ARID1B: variants seen among roughly 807,000 people sequenced by gnomAD.
ARID1B encodes the protein AT-rich interactive domain-containing protein 1B.
A neutral mutation model predicts 212.3 loss-of-function variants in ARID1B; 30 were observed. That is an observed-to-expected ratio of 0.14 (90% CI 0.11 to 0.19). ARID1B has a LOEUF of 0.19. Ranked by LOEUF, ARID1B falls within the 10% of genes least tolerant of loss-of-function variation. The probability of loss-of-function intolerance (pLI) is 1.00; values close to 1 mark genes in which losing one functional copy is unlikely to be tolerated. For missense variants in ARID1B, 2,891 were observed against 3,204.0 expected, an observed-to-expected ratio of 0.90 and a Z score of 2.36; for synonymous variants, 1,402 against 1,301.7, an observed-to-expected ratio of 1.08 and a Z score of -1.66.
intron 4 of ARID1B, among the ~76,000 whole-genome samples, chr6:157,082,950 G>A (rs1204537453): frequency 1.3e-5 from 2 of 152,168 alleles, no homozygotes; most frequent in African/African-American, 4.8e-5. Context: ...GATTTTTAAA[G>A]AGAAGTTAAT....
chr6:157,137,853 A>G (rs1257543187), intron 7 of ARID1B, among the ~76,000 whole-genome samples: 1 of 152,162 alleles, frequency 6.6e-6, no homozygotes, highest in East Asian at 1.9e-4. Context: ...GTAGGTGTAA[A>G]TTATTTCTAA....
At chr6:156,983,110 A>G (rs1240494605) in intron 4 of ARID1B, among the ~76,000 whole-genome samples, 1 of 151,902 alleles carries the variant, frequency 6.6e-6, no homozygotes, top group African/African-American at 2.4e-5. Flanking sequence ...AAAAAAAAGA[A>G]AAAAAAGAAA....
chr6:156,901,135 A>T lies in ARID1B; in HGVS notation c.1987-241A>T, dbSNP rs73007008. Among the ~76,000 whole-genome samples, 7,886 of 152,274 alleles carry T rather than the reference A, an allele frequency of 0.052. 244 individuals carry two copies. Among genetic ancestry groups the T allele is most frequent in the Middle Eastern group, 0.12 (34 of 294 alleles). The stretch of plus-strand genomic sequence containing the variant: ...CCTCTCCACCTTTATGATATTATCA[A>T]TAGTTTCTATCTGATAGAATATGAT... On this transcript the variant is annotated intron_variant, in intron 2 of 19. Coordinates refer to ENST00000636930, the MANE Select transcript of ARID1B (RefSeq NM_001374828.1).
chr6:157,127,775 C>T (rs71563704), intron 6 of ARID1B, among the ~76,000 whole-genome samples: 1 of 116,612 alleles, frequency 8.6e-6, no homozygotes, highest in African/African-American at 3.9e-5. Flanking sequence ...CAGAGTGAGA[C>T]TCTGTCTCAA....
chr6:157,084,884 A>G lies in ARID1B; in HGVS notation c.2470A>G (p.Ile824Val), dbSNP rs974267163. The G allele has an allele frequency of 3.7e-6, 6 of 1,613,634 alleles. No homozygotes were observed. Among genetic ancestry groups the G allele is most frequent in the Non-Finnish European group, 4.2e-6 (5 of 1,179,764 alleles). ...AAGCAACCAGTCTCGATCTGGCCCA[A>G]TCTCTCCTGCAAGTATCCCAGGTAT... ...VGSNQSRSGP[I>V]SPASIPGSQM... Residue 824 changes from isoleucine to valine, a missense_variant, in exon 5 of 20, where the codon ATC becomes GTC. Transcript: ENST00000636930.
intron 1 of ARID1B, among the ~76,000 whole-genome samples, chr6:156,817,645 C>A (rs114557019): frequency 3.0e-5 from 4 of 134,770 alleles, no homozygotes; most frequent in South Asian, 4.6e-4. Flanking sequence ...AAAAAAAAAC[C>A]ACACACACAA....
At chr6:157,062,185 TTTC>T (rs1193796939) in intron 4 of ARID1B, among the ~76,000 whole-genome samples, 1 of 151,930 alleles carries the variant, frequency 6.6e-6, no homozygotes, top group Non-Finnish European at 1.5e-5. Flanking sequence ...CCTGTTTCTG[TTTC>T]TCCTTTTGTT....
At chr6:157,014,375 C>T (rs545647116) in intron 4 of ARID1B, among the ~76,000 whole-genome samples, 28 of 152,144 alleles carry the variant, frequency 1.8e-4, no homozygotes, top group African/African-American at 6.3e-4. Flanking sequence ...TAATGAAATC[C>T]GCTTCCTTAG....
At chr6:156,945,803 C>G (rs954259948) in intron 4 of ARID1B, among the ~76,000 whole-genome samples, 2 of 152,110 alleles carry the variant, frequency 1.3e-5, no homozygotes, top group African/African-American at 4.8e-5. Context: ...AGCCTAGGAG[C>G]TTGAGACCGG....
chr6:156,778,675 G>T lies in ARID1B; in HGVS notation c.995G>T (p.Gly332Val). The T allele has an allele frequency of 6.7e-7, 1 of 1,503,334 alleles. No homozygotes were observed. 93.1% of individuals were successfully genotyped at this position (1,503,334 alleles called of 1,614,324 possible). A position where few individuals can be genotyped will look rare whatever the true frequency, so the allele number is the denominator to read the frequency against. The change falls in exon 1 of 20, where the codon GGG (glycine) becomes GTG (valine). Residue 332 changes from glycine (G) to valine (V), a missense_variant. Transcript: ENST00000636930. ...PASGGPGGRA[G>V]PCFDQHGGQQ... ...AGCGGCGGCCCCGGCGGCCGCGCTG[G>T]GCCTTGCTTTGATCAACATGGCGGA...
intron 11 of ARID1B, among the ~76,000 whole-genome samples, chr6:157,180,236 A>G (rs1792406278): frequency 6.6e-6 from 1 of 152,160 alleles, no homozygotes; most frequent in Non-Finnish European, 1.5e-5. Flanking sequence ...GTGTCAGGTA[A>G]AAGCAGGTAC....
intron 8 of ARID1B, among the ~76,000 whole-genome samples, chr6:157,158,531 C>A (rs1303724160): frequency 6.6e-6 from 1 of 152,182 alleles, no homozygotes; most frequent in Non-Finnish European, 1.5e-5. Flanking sequence ...TGTGCTTCCC[C>A]CTCGCACTGC....
At chr6:157,199,195 A>G (rs1455056107) in intron 17 of ARID1B, among the ~76,000 whole-genome samples, 2 of 152,244 alleles carry the variant, frequency 1.3e-5, no homozygotes, top group Non-Finnish European at 2.9e-5. Flanking sequence ...GAATTAGTAT[A>G]TTTTAAACAT....
intron 2 of ARID1B, among the ~76,000 whole-genome samples, chr6:156,860,264 A>G (rs748134615): frequency 2.6e-5 from 4 of 152,072 alleles, no homozygotes; most frequent in Non-Finnish European, 4.4e-5. Flanking sequence ...ATTTTATTTG[A>G]TGTTCAGAAT....
At chr6:156,862,000 C>G (rs528012945) in intron 2 of ARID1B, among the ~76,000 whole-genome samples, 1 of 152,246 alleles carries the variant, frequency 6.6e-6, no homozygotes, top group South Asian at 2.1e-4. Context: ...CGTGGGCATC[C>G]AAGTAGGTGT....
At chr6:157,096,269 G>T (rs1177748211) in intron 5 of ARID1B, among the ~76,000 whole-genome samples, 1 of 152,172 alleles carries the variant, frequency 6.6e-6, no homozygotes, top group Non-Finnish European at 1.5e-5. Flanking sequence ...CAAGAACAGT[G>T]CCTGGCAAGT....
intron 9 of ARID1B, among the ~76,000 whole-genome samples, chr6:157,172,086 G>C (rs1353023840): frequency 6.6e-6 from 1 of 152,180 alleles, no homozygotes; most frequent in Non-Finnish European, 1.5e-5. Context: ...GAATCAACTA[G>C]CCAGGACATG....
In ARID1B at chr6:156,982,037, T is replaced by C. The variant is rs111432480; in HGVS notation, c.2247+46461T>C. On this transcript the variant is annotated intron_variant, in intron 4 of 19. Transcript: ENST00000636930. ...CTCCTGGGATGTCTCTTTTTTTTTT[T>C]TTGTGACTCTTCTGTTTGCCTCATG... 3.6e-3 allele frequency among the ~76,000 whole-genome samples: 547 copies of C among 152,212 alleles called. 6 individuals carry two copies. Among genetic ancestry groups the C allele is most frequent in the African/African-American group, 0.012 (512 of 41,534 alleles).
chr6:156,869,030 T>A (rs1011404421), intron 2 of ARID1B, among the ~76,000 whole-genome samples: 25 of 151,570 alleles, frequency 1.6e-4, no homozygotes, highest in South Asian at 1.0e-3. Context: ...ATTTCTGATT[T>A]AAAAAAAAAT....
Sources: allele counts gnomAD v4.1 joint callset (sites outside exome capture counted in the v4.1 genomes callset), GRCh38; gene constraint gnomAD v4.1.1; transcripts MANE v1.5; gene names NCBI Gene and HGNC (gene_info 2026-07-23, HGNC 2026-07-21).